CSMD1: variants seen among roughly 807,000 people sequenced by gnomAD.
CSMD1 encodes the protein CUB and Sushi multiple domains 1, also known as CUB and sushi domain-containing protein 1.
CSMD1 carries 213 observed loss-of-function variants against 417.5 expected under a neutral mutation model. That is an observed-to-expected ratio of 0.51 (90% confidence interval 0.46 to 0.57). CSMD1 has a LOEUF of 0.57. CSMD1 is among the 20% of genes least tolerant of loss of function. CSMD1 has a pLI of 0.00. For synonymous variants in CSMD1, 2,862 were observed against 1,736.8 expected (o/e 1.65, Z -16.11); for missense variants, 6,923 against 4,529.7 (o/e 1.53, Z -15.17).
At chr8:3,375,689 G>T (rs1810263104) in intron 18 of CSMD1, among the ~76,000 whole-genome samples, 1 of 152,248 alleles carries the variant, frequency 6.6e-6, no homozygotes, top group East Asian at 1.9e-4. Flanking sequence ...GCATAGGAGA[G>T]ATTCCAATCC....
rs556474514 is a variant in CSMD1, at chr8:3,206,431, G to A, written c.4868-811C>T. On this transcript the variant is annotated intron_variant, in intron 30 of 69. Coordinates refer to ENST00000635120, the MANE Select transcript of CSMD1 (RefSeq NM_033225.6). ...TATGTCTGTGTGTGTATGTGTGTGT[G>A]TGGGTGTATGTGTGTGTGTATGTGT... 8.1e-4 allele frequency among the ~76,000 whole-genome samples: 94 copies of A among 115,678 alleles called. 1 individual carries two copies. The highest frequency in any genetic ancestry group is 3.1e-3 in the African/African-American group (90 of 29,128). The allele number at this position is 115,678 out of a possible 152,430, so 75.9% of individuals were successfully genotyped here.
intron 1 of CSMD1, among the ~76,000 whole-genome samples, chr8:4,659,804 T>C (rs959154424): frequency 2.0e-5 from 3 of 152,148 alleles, no homozygotes; most frequent in Non-Finnish European, 2.9e-5. Context: ...AATTTCATTT[T>C]AATAATTTTT....
intron 3 of CSMD1, among the ~76,000 whole-genome samples, chr8:4,191,534 T>C (rs1294345987): frequency 6.6e-6 from 1 of 152,310 alleles, no homozygotes; most frequent in Admixed American, 6.5e-5. Context: ...AAAACATGTG[T>C]CTCATCTGAA....
chr8:4,580,567 A>C (rs1264823012), intron 2 of CSMD1, among the ~76,000 whole-genome samples: 1 of 152,084 alleles, frequency 6.6e-6, no homozygotes, highest in African/African-American at 2.4e-5. Flanking sequence ...GCGTCTCATG[A>C]GGCTCCTCCT....
chr8:4,096,172 G>A (rs185159447), intron 3 of CSMD1, among the ~76,000 whole-genome samples: 33 of 152,192 alleles, frequency 2.2e-4, no homozygotes, highest in Admixed American at 3.3e-4. Context: ...TAAGAGATCA[G>A]TTTTTCTCTT....
intron 12 of CSMD1, among the ~76,000 whole-genome samples, chr8:3,413,579 A>C (rs550842440): frequency 2.6e-5 from 4 of 152,332 alleles, no homozygotes; most frequent in East Asian, 3.9e-4. Flanking sequence ...AAGAAATGTA[A>C]GCATGTTTCA....
At chr8:3,605,457 A>G (rs1410632157) in intron 8 of CSMD1, among the ~76,000 whole-genome samples, 1 of 152,226 alleles carries the variant, frequency 6.6e-6, no homozygotes, top group Non-Finnish European at 1.5e-5. Flanking sequence ...TACTATAATA[A>G]CTATAAATAA....
intron 11 of CSMD1, among the ~76,000 whole-genome samples, chr8:3,480,033 C>G (rs1166218862): frequency 3.3e-5 from 5 of 152,052 alleles, no homozygotes; most frequent in Middle Eastern, 3.4e-3. Context: ...TGGAATTCTC[C>G]TACACTAAAC....
chr8:3,064,989 C>T (rs1812824680), intron 49 of CSMD1, among the ~76,000 whole-genome samples: 1 of 151,952 alleles, frequency 6.6e-6, no homozygotes, highest in Non-Finnish European at 1.5e-5. Context: ...CACTGGGAAA[C>T]ATGGCTGGAG....
At chr8:4,178,236 T>G (rs10097907) in intron 3 of CSMD1, among the ~76,000 whole-genome samples, 1 of 151,882 alleles carries the variant, frequency 6.6e-6, no homozygotes, top group African/African-American at 2.4e-5. Context: ...TCCACTATCA[T>G]CAAGTGGGCT....
chr8:4,555,379 G>T (rs562370053), intron 2 of CSMD1, among the ~76,000 whole-genome samples: 2 of 152,114 alleles, frequency 1.3e-5, no homozygotes, highest in Non-Finnish European at 2.9e-5. Flanking sequence ...GGGGAATGTC[G>T]TGGGCCATTT....
At chr8:4,000,664 T>G (rs182650042) in intron 4 of CSMD1, among the ~76,000 whole-genome samples, 197 of 152,296 alleles carry the variant, frequency 1.3e-3, no homozygotes, top group African/African-American at 4.5e-3. Flanking sequence ...CTTTTATTAT[T>G]GATTAAATAA....
intron 2 of CSMD1, among the ~76,000 whole-genome samples, chr8:4,598,913 T>C (rs1800424414): frequency 6.6e-6 from 1 of 152,150 alleles, no homozygotes; most frequent in Admixed American, 6.5e-5. Flanking sequence ...TCAGTGAAGA[T>C]CTTCAAAAAA....
At chr8:3,998,152 T>C (rs774679497) in intron 4 of CSMD1, 42 bp from the exon 5 acceptor site, 4 of 1,517,930 alleles carry the variant, frequency 2.6e-6, no homozygotes, top group Admixed American at 2.0e-5. Flanking sequence ...CATTTCAGGA[T>C]GGTTTTCATA....
chr8:3,838,866 A>G (rs1309710990), intron 5 of CSMD1, among the ~76,000 whole-genome samples: 1 of 116,022 alleles, frequency 8.6e-6, no homozygotes, highest in Non-Finnish European at 1.6e-5. Context: ...TATACTATTA[A>G]TTATATATAA....
chr8:3,953,742 C>G (rs976754271), intron 5 of CSMD1, among the ~76,000 whole-genome samples: 3 of 152,056 alleles, frequency 2.0e-5, no homozygotes, highest in Non-Finnish European at 4.4e-5. Context: ...CCACAGAGCC[C>G]CTGAGCTGCT....
At chr8:4,808,182 C>A (rs1426816720) in intron 1 of CSMD1, among the ~76,000 whole-genome samples, 2 of 152,142 alleles carry the variant, frequency 1.3e-5, no homozygotes, top group African/African-American at 2.4e-5. Flanking sequence ...GGGCGGCAGG[C>A]AGATTGGTTT....
intron 37 of CSMD1, among the ~76,000 whole-genome samples, chr8:3,174,793 T>C (rs1338556029): frequency 1.3e-5 from 2 of 152,170 alleles, no homozygotes; most frequent in Admixed American, 6.5e-5. Context: ...GCCTTTAAAA[T>C]TTTTTCCATT....
At chr8:3,829,765 T>C (rs1802265467) in intron 5 of CSMD1, among the ~76,000 whole-genome samples, 1 of 152,210 alleles carries the variant, frequency 6.6e-6, no homozygotes, top group South Asian at 2.1e-4. Flanking sequence ...ATTATGTGAT[T>C]TCTCCAAGAC....
Sources: gnomAD v4.1 joint callset for allele counts (sites outside exome capture counted in the v4.1 genomes callset) on GRCh38, gnomAD v4.1.1 for gene constraint, MANE v1.5 for transcripts, NCBI Gene and HGNC (gene_info 2026-07-23, HGNC 2026-07-21) for gene names.